MLIP: variants seen among roughly 807,000 people sequenced by gnomAD.
MLIP encodes the protein muscular LMNA interacting protein, also known as muscular LMNA-interacting protein.
Under a neutral mutation model 84.8 loss-of-function variants are expected in MLIP, and 79 were observed. The ratio of observed to expected loss-of-function variants is 0.93; its 90% CI spans 0.78 to 1.12. The LOEUF is 1.12. Among genes scored for constraint, MLIP ranks in the 50% most tolerant of loss-of-function variants. MLIP has a pLI of 0.00. For synonymous variants in MLIP, 504 were observed against 463.0 expected (o/e 1.09, Z -1.14); for missense variants, 1,257 against 1,160.6 (o/e 1.08, Z -1.21).
At chr6:54,236,722 G>T (rs1400220735) in intron 12 of MLIP, among the ~76,000 whole-genome samples, 1 of 152,118 alleles carries the variant, frequency 6.6e-6, no homozygotes, top group Non-Finnish European at 1.5e-5. Context: ...AGTGTTGAAG[G>T]GCTTTCTAAT....
intron 1 of MLIP, among the ~76,000 whole-genome samples, chr6:54,105,620 A>T (rs1022357488): frequency 6.6e-5 from 10 of 152,162 alleles, no homozygotes; most frequent in African/African-American, 2.4e-4. Context: ...AGAGGTTGGT[A>T]AGTCCTTTGA....
rs114749085 is a variant in MLIP at position 54,124,708 on chromosome 6, G to C, written c.488G>C (p.Gly163Ala). The C allele has an allele frequency of 1.4e-4, 232 of 1,614,050 alleles. No individual in the cohort carries two copies. The highest frequency in any genetic ancestry group is 1.8e-4 in the Non-Finnish European group (218 of 1,180,024). ...AGAAAAGTTGAACAAGGCCCCCCAG[G>C]GGGGATTGGCACCGCAGCTGTCCGG... is the stretch of plus-strand genomic sequence containing the variant. ...ASRKVEQGPP[G>A]GIGTAAVRPK... Residue 163 changes from glycine (G) to alanine (A), a missense_variant, in exon 3 of 14, where the codon GGG becomes GCG. Gly to Ala is a moderately conservative substitution (Grantham distance 60). Transcript: ENST00000502396.
At chr6:54,178,025 G>C (rs1776476264) in intron 9 of MLIP, among the ~76,000 whole-genome samples, 1 of 151,962 alleles carries the variant, frequency 6.6e-6, no homozygotes, top group Admixed American at 6.6e-5. Context: ...AGGGTGGAGG[G>C]GAACAACACA....
At chr6:54,044,567 G>A (rs535606325) in intron 1 of MLIP, among the ~76,000 whole-genome samples, 1 of 152,026 alleles carries the variant, frequency 6.6e-6, no homozygotes, top group South Asian at 2.1e-4. Flanking sequence ...CACATAGGTA[G>A]GTCAAACACA....
Position 54,039,049 on chromosome 6 carries a change from T to C in MLIP, c.63+19958T>C, listed in dbSNP as rs921358580. Among the ~76,000 whole-genome samples the C allele has an allele frequency of 2.0e-5, 3 of 151,942 alleles. No individual in the cohort carries two copies. The Admixed American group carries it at 2.0e-4, about 10-fold the overall frequency. ...GACACATAATCTCCACAGAAATCTA[T>C]ATAACCAATTTAAGTAACTTTTTAA... On this transcript the variant is annotated intron_variant, in intron 1 of 12. Transcript: ENST00000274897.
At chr6:54,022,972 C>A (rs1763581846) in intron 1 of MLIP, among the ~76,000 whole-genome samples, 1 of 151,958 alleles carries the variant, frequency 6.6e-6, no homozygotes, top group African/African-American at 2.4e-5. Flanking sequence ...TCCAGACTAT[C>A]CTGGCTAACA....
intron 1 of MLIP, among the ~76,000 whole-genome samples, chr6:54,072,132 G>T (rs1214345418): frequency 1.3e-5 from 2 of 152,110 alleles, no homozygotes; most frequent in Non-Finnish European, 2.9e-5. Flanking sequence ...ACTGATACCA[G>T]CTGATTTAAA....
chr6:54,060,834 A>T (rs192849580), intron 1 of MLIP, among the ~76,000 whole-genome samples: 110 of 152,274 alleles, frequency 7.2e-4, no homozygotes, highest in Middle Eastern at 6.8e-3. Context: ...AAAAAATTAC[A>T]TACATACATT....
At chr6:54,198,514 G>A (rs2150703745) in intron 10 of MLIP, among the ~76,000 whole-genome samples, 1 of 152,194 alleles carries the variant, frequency 6.6e-6, no homozygotes, top group South Asian at 2.1e-4. Context: ...CCTTGTTTGG[G>A]TGATGGGTTT....
At chr6:54,216,834 A>G (rs1024652912) in intron 11 of MLIP, 35 of 985,416 alleles carry the variant, frequency 3.6e-5, no homozygotes, top group Non-Finnish European at 3.9e-5. Context: ...TGAAATGTAG[A>G]TAATCACAAT....
chr6:54,042,859 C>T lies in MLIP; in HGVS notation c.63+23768C>T, dbSNP rs554408205. ...AAATGTAGGAATCTATTCATTACTA[C>T]TGCAACCACCATCATTATCATCATC... On this transcript the variant is annotated intron_variant, in intron 1 of 12. Transcript: ENST00000274897. Among the ~76,000 whole-genome samples the T allele has an allele frequency of 5.9e-5, 9 of 152,262 alleles. No homozygotes were observed. In the South Asian group the frequency reaches 1.9e-3, roughly 32 times the overall value.
chr6:54,129,530 T>C (rs1353828598), intron 3 of MLIP, among the ~76,000 whole-genome samples: 1 of 152,032 alleles, frequency 6.6e-6, no homozygotes, highest in Non-Finnish European at 1.5e-5. Context: ...GATAATAGAG[T>C]ATGGAAGAGC....
intron 9 of MLIP, among the ~76,000 whole-genome samples, chr6:54,172,254 T>TA (rs1775843821): frequency 6.6e-6 from 1 of 151,588 alleles, no homozygotes; most frequent in African/African-American, 2.4e-5. Context: ...ACTTGCCAAT[T>TA]AAAAAATAAA....
chr6:54,179,192 T>C (rs1776601214), intron 9 of MLIP, among the ~76,000 whole-genome samples: 1 of 152,226 alleles, frequency 6.6e-6, no homozygotes, highest in African/African-American at 2.4e-5. Context: ...TGGTATCTAT[T>C]GTGTCTGATC....
intron 12 of MLIP, among the ~76,000 whole-genome samples, chr6:54,248,239 T>C (rs1307126002): frequency 6.6e-6 from 1 of 152,180 alleles, no homozygotes; most frequent in African/African-American, 2.4e-5. Flanking sequence ...GATTTATGAT[T>C]GTACTAGACT....
chr6:54,098,154 T>C (rs1435832413), intron 1 of MLIP, among the ~76,000 whole-genome samples: 17 of 147,186 alleles, frequency 1.2e-4, no homozygotes, highest in African/African-American at 3.8e-4. Context: ...CTTTCTTTTT[T>C]TTTTTTTTTT....
chr6:54,081,816 C>A (rs2150358476), intron 1 of MLIP, among the ~76,000 whole-genome samples: 1 of 152,240 alleles, frequency 6.6e-6, no homozygotes, highest in African/African-American at 2.4e-5. Flanking sequence ...ATTTTACTTT[C>A]ATTGTTCTTT....
chr6:54,194,823 C>T (rs943090607), intron 10 of MLIP, among the ~76,000 whole-genome samples: 8 of 150,686 alleles, frequency 5.3e-5, no homozygotes, highest in Non-Finnish European at 8.9e-5. Context: ...TCAATAGTTG[C>T]GTGGTAATAA....
At chr6:54,222,407 A>C (rs1208797178) in intron 11 of MLIP, among the ~76,000 whole-genome samples, 1 of 151,314 alleles carries the variant, frequency 6.6e-6, no homozygotes, top group East Asian at 1.9e-4. Flanking sequence ...TCACTATTCT[A>C]CTCTCTGCCT....
Sources: gnomAD v4.1 joint callset for allele counts (sites outside exome capture counted in the v4.1 genomes callset) on GRCh38, gnomAD v4.1.1 for gene constraint, MANE v1.5 for transcripts, NCBI Gene and HGNC (gene_info 2026-07-23, HGNC 2026-07-21) for gene names.